TAFA1: variants seen among roughly 807,000 people sequenced by gnomAD.
The protein encoded by TAFA1 is chemokine-like protein TAFA-1.
A neutral mutation model predicts 18.5 loss-of-function variants in TAFA1; 4 were observed. The observed-to-expected ratio is 0.22, with a 90% confidence interval of 0.11 to 0.49. TAFA1 has a LOEUF of 0.49. TAFA1 is among the 20% of genes least tolerant of loss of function. The pLI is 0.98. For synonymous variants in TAFA1, 56 were observed against 55.2 expected (o/e 1.01, Z -0.06); for missense variants, 147 against 169.0 (o/e 0.87, Z 0.72).
intron 2 of TAFA1, among the ~76,000 whole-genome samples, chr3:68,160,981 G>A (rs1403754482): frequency 1.3e-5 from 2 of 152,314 alleles, no homozygotes; most frequent in East Asian, 3.9e-4. Context: ...AGGGCGTTAA[G>A]TGTGTGGGTC....
chr3:68,301,863 T>C (rs770194911), intron 2 of TAFA1, among the ~76,000 whole-genome samples: 1 of 152,220 alleles, frequency 6.6e-6, no homozygotes, highest in Non-Finnish European at 1.5e-5. Context: ...ATAGCATTGA[T>C]TGAATGTACA....
intron 3 of TAFA1, among the ~76,000 whole-genome samples, chr3:68,509,682 C>A (rs1021913845): frequency 6.6e-6 from 1 of 151,982 alleles, no homozygotes; most frequent in East Asian, 1.9e-4. Flanking sequence ...CTGTCATTAC[C>A]AGCCATTACC....
intron 2 of TAFA1, among the ~76,000 whole-genome samples, chr3:68,084,742 G>T (rs1219789862): frequency 6.6e-6 from 1 of 151,116 alleles, no homozygotes; most frequent in African/African-American, 2.4e-5. Flanking sequence ...AGGTTGCAGC[G>T]AGCCGAGATA....
At chr3:68,104,347 A>C (rs1392470207) in intron 2 of TAFA1, among the ~76,000 whole-genome samples, 1 of 152,084 alleles carries the variant, frequency 6.6e-6, no homozygotes, top group Non-Finnish European at 1.5e-5. Flanking sequence ...AAAATATATA[A>C]ATTTTAAATG....
chr3:68,230,429 T>A (rs2313285), intron 2 of TAFA1, among the ~76,000 whole-genome samples: 1 of 151,988 alleles, frequency 6.6e-6, no homozygotes, highest in Non-Finnish European at 1.5e-5. Context: ...GTTCCATCCA[T>A]GTTGTTGCAA....
At position 68,310,263 on chromosome 3, in the gene TAFA1, T is replaced by G. The variant is rs116377785; in HGVS notation, c.119-107017T>G. On this transcript the variant is annotated intron_variant, in intron 2 of 4. Coordinates refer to ENST00000478136, the MANE Select transcript of TAFA1 (RefSeq NM_213609.4). ...ACTTTTTCTAGTAGGAATGGAGATC[T>G]TAAGTAGTTTTTGTTTAATTTTTAG... Among the ~76,000 whole-genome samples, 897 of 152,290 alleles carry G rather than the reference T, an allele frequency of 5.9e-3. 7 individuals carry two copies. Among genetic ancestry groups the G allele is most frequent in the African/African-American group, 0.02 (820 of 41,556 alleles).
chr3:68,032,592 C>A (rs760042564), intron 2 of TAFA1, among the ~76,000 whole-genome samples: 92 of 152,268 alleles, frequency 6.0e-4, no homozygotes, highest in Admixed American at 2.3e-3. Context: ...TCTGTGTCAT[C>A]TTCCATGTTC....
chr3:68,082,473 C>T (rs1214499071), intron 2 of TAFA1, among the ~76,000 whole-genome samples: 4 of 152,160 alleles, frequency 2.6e-5, no homozygotes. Flanking sequence ...GAGGTCAGGT[C>T]CTAAAATATA....
At chr3:68,236,969 T>C (rs998219626) in intron 2 of TAFA1, among the ~76,000 whole-genome samples, 2 of 152,184 alleles carry the variant, frequency 1.3e-5, no homozygotes, top group African/African-American at 4.8e-5. Flanking sequence ...GCTGTTCTAA[T>C]GAAAATTAGA....
At chr3:68,303,734 C>A (rs2068353256) in intron 2 of TAFA1, among the ~76,000 whole-genome samples, 1 of 152,090 alleles carries the variant, frequency 6.6e-6, no homozygotes, top group African/African-American at 2.4e-5. Context: ...CAGGCGTGAA[C>A]CACCGTGCCC....
chr3:68,168,906 T>G (rs1467992541), intron 2 of TAFA1, among the ~76,000 whole-genome samples: 1 of 152,254 alleles, frequency 6.6e-6, no homozygotes, highest in Non-Finnish European at 1.5e-5. Context: ...GTATATTGTC[T>G]TTCTTTCATT....
intron 2 of TAFA1, among the ~76,000 whole-genome samples, chr3:68,120,169 TTCTCTTTCTTTCTTTCTTTCTTTCTTTC>T (rs2065373364): frequency 7.2e-6 from 1 of 138,182 alleles, no homozygotes; most frequent in Non-Finnish European, 1.5e-5. Context: ...TTCTCTTTCT[TTCTCTTTCTTTCTTTCTTTCTTTCTTTC>T]TTTCTTTCTT....
intron 2 of TAFA1, among the ~76,000 whole-genome samples, chr3:68,207,773 A>G (rs1041140317): frequency 6.6e-6 from 1 of 152,008 alleles, no homozygotes; most frequent in African/African-American, 2.4e-5. Flanking sequence ...TATGTCAGGC[A>G]CTGCATATCT....
At chr3:68,018,422 ACT>A (rs1428038152) in intron 2 of TAFA1, among the ~76,000 whole-genome samples, 2 of 152,230 alleles carry the variant, frequency 1.3e-5, no homozygotes, top group African/African-American at 4.8e-5. Flanking sequence ...AAGCTGCATA[ACT>A]CTAACTCAAA....
intron 2 of TAFA1, among the ~76,000 whole-genome samples, chr3:68,085,338 C>A (rs1161672259): frequency 6.6e-6 from 1 of 152,172 alleles, no homozygotes; most frequent in Non-Finnish European, 1.5e-5. Context: ...TCATTAGAAA[C>A]CCCTAAACAT....
chr3:68,093,003 G>A (rs2065046095), intron 2 of TAFA1, among the ~76,000 whole-genome samples: 1 of 152,072 alleles, frequency 6.6e-6, no homozygotes, highest in Non-Finnish European at 1.5e-5. Flanking sequence ...GTTTCTTTTG[G>A]ATACATAATC....
chr3:68,095,879 G>T (rs114337135), intron 2 of TAFA1, among the ~76,000 whole-genome samples: 1,660 of 152,110 alleles, frequency 0.011, 29 homozygotes, highest in African/African-American at 0.038. Context: ...TTTGTTACAT[G>T]CATAGAATGT....
intron 2 of TAFA1, among the ~76,000 whole-genome samples, chr3:68,392,995 ATAAC>A (rs1480528098): frequency 1.3e-5 from 2 of 152,208 alleles, no homozygotes; most frequent in Non-Finnish European, 2.9e-5. Context: ...AAGACAAAAA[ATAAC>A]TAAGATCAGA....
At chr3:68,151,437 G>A (rs534461552) in intron 2 of TAFA1, among the ~76,000 whole-genome samples, 2 of 152,230 alleles carry the variant, frequency 1.3e-5, no homozygotes, top group African/African-American at 4.8e-5. Context: ...TTGTGTTGCT[G>A]TAATAGAATA....
Sources: gnomAD v4.1 joint callset for allele counts (sites outside exome capture counted in the v4.1 genomes callset) on GRCh38, gnomAD v4.1.1 for gene constraint, MANE v1.5 for transcripts, NCBI Gene and HGNC (gene_info 2026-07-23, HGNC 2026-07-21) for gene names.